The following ATG4C variants were observed in gnomAD, a reference collection of about 807,000 sequenced individuals.
The protein encoded by ATG4C is cysteine protease ATG4C.
A neutral mutation model predicts 57.6 loss-of-function variants in ATG4C; 56 were observed. The observed-to-expected ratio is 0.97, with a 90% confidence interval of 0.78 to 1.21. The LOEUF (loss-of-function observed/expected upper bound fraction) is 1.21. ATG4C is among the 50% of genes most tolerant of loss of function. ATG4C has a pLI of 0.00. For missense variants in ATG4C, 595 were observed against 529.8 expected, an observed-to-expected ratio of 1.12 and a Z score of -1.21; for synonymous variants, 157 against 174.1, an observed-to-expected ratio of 0.90 and a Z score of 0.78.
chr1:62,821,073 A>C (rs2100321105), intron 5 of ATG4C, 66 bp from the exon 6 acceptor site: 4 of 1,310,860 alleles, frequency 3.1e-6, no homozygotes, highest in Non-Finnish European at 4.2e-6. Flanking sequence ...TCCTTCTTAA[A>C]TTAAATATTT....
intron 6 of ATG4C, among the ~76,000 whole-genome samples, chr1:62,826,312 T>C (rs1665652774): frequency 6.6e-6 from 1 of 150,878 alleles, no homozygotes; most frequent in Non-Finnish European, 1.5e-5. Flanking sequence ...CTCCACTCAC[T>C]GCAAGCTCCA....
intron 5 of ATG4C, among the ~76,000 whole-genome samples, chr1:62,820,336 T>G (rs187222103): frequency 1.3e-5 from 2 of 152,118 alleles, no homozygotes. Context: ...TTCCTCTCCC[T>G]CCAGTCCCTT....
At chr1:62,827,786 T>C (rs10789129) in intron 6 of ATG4C, among the ~76,000 whole-genome samples, 86,402 of 151,876 alleles carry the variant, frequency 0.57, 24,704 homozygotes, top group East Asian at 0.69. Context: ...CAGTAGTTAT[T>C]TTTTCTGCTC....
At chr1:62,860,703 T>C (rs990366746) in intron 10 of ATG4C, among the ~76,000 whole-genome samples, 3 of 152,242 alleles carry the variant, frequency 2.0e-5, no homozygotes, top group African/African-American at 7.2e-5. Flanking sequence ...AGGTGATTTT[T>C]GACAGTGCTT....
At chr1:62,809,459 G>T (rs1664995464) in intron 3 of ATG4C, among the ~76,000 whole-genome samples, 1 of 145,706 alleles carries the variant, frequency 6.9e-6, no homozygotes, top group African/African-American at 2.5e-5. Context: ...ATGTACACAT[G>T]TATATATAAA....
chr1:62,841,586 A>G, intron 10 of ATG4C, 39 bp downstream of exon 10: 1 of 1,467,588 alleles, frequency 6.8e-7, no homozygotes, highest in Non-Finnish European at 9.1e-7. Flanking sequence ...AAATGACCTA[A>G]TTTTATTAGA....
At chr1:62,840,500 C>T (rs1666134442) in intron 9 of ATG4C, among the ~76,000 whole-genome samples, 3 of 152,076 alleles carry the variant, frequency 2.0e-5, no homozygotes, top group African/African-American at 7.2e-5. Flanking sequence ...ATTTTTTCTA[C>T]ATACAGAAAA....
chr1:62,845,519 C>T (rs528286858), intron 10 of ATG4C, among the ~76,000 whole-genome samples: 32 of 151,836 alleles, frequency 2.1e-4, no homozygotes, highest in Admixed American at 5.9e-4. Context: ...TCTTCTAGGC[C>T]GCTATTTTTA....
chr1:62,810,077 A>G (rs1384481215), intron 3 of ATG4C, among the ~76,000 whole-genome samples: 7 of 152,208 alleles, frequency 4.6e-5, no homozygotes, highest in Non-Finnish European at 8.8e-5. Flanking sequence ...TTTACAGAGA[A>G]GTTCTCCATA....
At chr1:62,799,885 T>G (rs74492869) in intron 1 of ATG4C, among the ~76,000 whole-genome samples, 56 of 152,074 alleles carry the variant, frequency 3.7e-4, no homozygotes, top group Admixed American at 1.4e-3. Flanking sequence ...TTTTTTTTTT[T>G]GTACCCATTA....
chr1:62,788,222 T>C (rs2100272939), intron 1 of ATG4C, among the ~76,000 whole-genome samples: 1 of 152,310 alleles, frequency 6.6e-6, no homozygotes, highest in Non-Finnish European at 1.5e-5. Context: ...TTAGGCTTTA[T>C]GAAGTCTGAT....
At chr1:62,818,535 A>G (rs1422513676) in intron 4 of ATG4C, among the ~76,000 whole-genome samples, 1 of 152,022 alleles carries the variant, frequency 6.6e-6, no homozygotes, top group Non-Finnish European at 1.5e-5. Flanking sequence ...TTTGTCTTGT[A>G]TTTTTGTAAT....
chr1:62,801,116 G>A (rs552621966), intron 1 of ATG4C, among the ~76,000 whole-genome samples: 1 of 152,314 alleles, frequency 6.6e-6, no homozygotes, highest in Admixed American at 6.5e-5. Flanking sequence ...TGCTGCATGT[G>A]AAGTAGTAAA....
Position 62,826,635 on chromosome 1 carries a change from C to T in ATG4C, c.797-2405C>T, listed in dbSNP as rs150032053. ...TAATTTAAGTTCTAGGGTACATGTA[C>T]GCAACGTGCAGGTTTGTTACATATG... On this transcript the variant is annotated intron_variant, in intron 6 of 10. Coordinates refer to ENST00000317868, the MANE Select transcript of ATG4C (RefSeq NM_032852.4). Among the ~76,000 whole-genome samples the T allele has an allele frequency of 5.3e-3, 798 of 150,890 alleles. 9 individuals carry two copies. Among genetic ancestry groups the T allele is most frequent in the African/African-American group, 0.019 (763 of 40,930 alleles).
intron 9 of ATG4C, among the ~76,000 whole-genome samples, chr1:62,839,007 A>C (rs1666086906): frequency 6.6e-6 from 1 of 152,130 alleles, no homozygotes; most frequent in Non-Finnish European, 1.5e-5. Context: ...TAGTAATAAG[A>C]CTATTCTGGT....
chr1:62,807,915 A>T (rs1203994603), intron 3 of ATG4C, among the ~76,000 whole-genome samples: 2 of 152,112 alleles, frequency 1.3e-5, no homozygotes, highest in African/African-American at 4.8e-5. Context: ...GTGGAGATTG[A>T]TCTTATGGGA....
At chr1:62,861,576 AAC>A (rs57225222) in intron 10 of ATG4C, among the ~76,000 whole-genome samples, 13,710 of 133,200 alleles carry the variant, frequency 0.1, 669 homozygotes, top group Non-Finnish European at 0.13. Context: ...TGGAAAATAG[AAC>A]ACACACACAC....
chr1:62,849,828 TGTG>T (rs1240314617), intron 10 of ATG4C, among the ~76,000 whole-genome samples: 1 of 152,076 alleles, frequency 6.6e-6, no homozygotes, highest in African/African-American at 2.4e-5. Flanking sequence ...ATCCATTTCT[TGTG>T]GTGGTTCTTG....
chr1:62,847,522 T>C (rs1374888071), intron 10 of ATG4C, among the ~76,000 whole-genome samples: 1 of 152,170 alleles, frequency 6.6e-6, no homozygotes, highest in Non-Finnish European at 1.5e-5. Flanking sequence ...TAATAGTATA[T>C]ATTCACTGCA....
Sources: gnomAD v4.1 joint callset for allele counts (sites outside exome capture counted in the v4.1 genomes callset) on GRCh38, gnomAD v4.1.1 for gene constraint, MANE v1.5 for transcripts, NCBI Gene and HGNC (gene_info 2026-07-23, HGNC 2026-07-21) for gene names.